The following NRIP1 variants were observed in gnomAD, a reference collection of about 807,000 sequenced individuals.
NRIP1 encodes nuclear receptor-interacting protein 1.
A neutral mutation model predicts 75.0 loss-of-function variants in NRIP1; 28 were observed. That is an observed-to-expected ratio of 0.37 (90% confidence interval 0.28 to 0.51). NRIP1 has a LOEUF of 0.51. Among genes scored for constraint, NRIP1 ranks in the 20% least tolerant of loss-of-function variants. NRIP1 has a pLI of 0.92. For synonymous variants in NRIP1, 526 were observed against 487.6 expected (o/e 1.08, Z -1.04); for missense variants, 1,435 against 1,343.7 (o/e 1.07, Z -1.06).
At chr21:15,036,168 T>C (rs747452354) in intron 2 of NRIP1, among the ~76,000 whole-genome samples, 1 of 152,162 alleles carries the variant, frequency 6.6e-6, no homozygotes, top group Non-Finnish European at 1.5e-5. Context: ...TAACCTACAC[T>C]GGAAAAAAAT....
At chr21:14,996,418 C>A (rs1037871732) in intron 3 of NRIP1, among the ~76,000 whole-genome samples, 1 of 152,154 alleles carries the variant, frequency 6.6e-6, no homozygotes, top group Admixed American at 6.5e-5. Context: ...TGAGAAAGTT[C>A]TTTCTGGCTT....
At chr21:15,019,535 C>G (rs2088321172) in intron 2 of NRIP1, among the ~76,000 whole-genome samples, 1 of 112,592 alleles carries the variant, frequency 8.9e-6, no homozygotes, top group East Asian at 3.0e-4. Context: ...GTCGCCCAAG[C>G]TGGAGTGCAA....
chr21:15,050,515 T>C, intron 1 of NRIP1: 1 of 337,236 alleles, frequency 3.0e-6, no homozygotes, highest in Non-Finnish European at 5.8e-6. Flanking sequence ...TATTTGTGTA[T>C]CTTTAAATGA....
Position 14,977,990 on chromosome 21 carries a change from A to G in NRIP1, c.-334-9464T>C, listed in dbSNP as rs188453430. ...TGGACACCAGAGACACCGGTGACGA[A>G]AACAGCTGCCCAGGCTGCTCTCCAC... On this transcript the variant is annotated intron_variant, in intron 3 of 3. Transcript: ENST00000318948. 1.4e-3 allele frequency among the ~76,000 whole-genome samples: 206 copies of G among 152,300 alleles called. 1 individual carries two copies. Among genetic ancestry groups the G allele is most frequent in the African/African-American group, 4.7e-3 (195 of 41,552 alleles).
In NRIP1 at chr21:15,031,890, G is replaced by C. The variant is rs1190171743; in HGVS notation, c.-458+11605C>G. ...CTATGTGTATACACTCTGGAAGGTG[G>C]TTGGAGGTTCACCACATTCCCTTTC... On this transcript the variant is annotated intron_variant, in intron 2 of 3. Transcript: ENST00000318948. 6.2e-5 allele frequency among the ~76,000 whole-genome samples: 9 copies of C among 145,578 alleles called. No individual in the cohort carries two copies. In the East Asian group the frequency reaches 1.9e-3, roughly 30 times the overall value.
intron 1 of NRIP1, among the ~76,000 whole-genome samples, chr21:15,047,530 ACTT>A (rs1203869211): frequency 1.3e-5 from 2 of 152,214 alleles, no homozygotes; most frequent in Admixed American, 6.5e-5. Flanking sequence ...GCAGAGCGAG[ACTT>A]CTTCTCAGAA....
At chr21:15,059,040 C>T (rs1469425115) in intron 1 of NRIP1, among the ~76,000 whole-genome samples, 1 of 152,186 alleles carries the variant, frequency 6.6e-6, no homozygotes, top group African/African-American at 2.4e-5. Context: ...AGCTCTATCA[C>T]TTAACAAGTG....
At chr21:15,046,325 T>C (rs1018609028) in intron 1 of NRIP1, among the ~76,000 whole-genome samples, 1 of 152,240 alleles carries the variant, frequency 6.6e-6, no homozygotes, top group Non-Finnish European at 1.5e-5. Flanking sequence ...ATTAACTTCC[T>C]TGTACATCTC....
Position 14,984,140 on chromosome 21 carries a change from A to C in NRIP1, c.-334-15614T>G, listed in dbSNP as rs530940611. ...CAGAGTCAACTGAAAAGCTTCTGAA[A>C]AGGATTCACCATTCTAGATGTCATT... is the stretch of plus-strand genomic sequence containing the variant. On this transcript the variant is annotated intron_variant, in intron 3 of 3. Transcript: ENST00000318948. Among the ~76,000 whole-genome samples, 14 of 152,312 alleles carry C rather than the reference A, an allele frequency of 9.2e-5. No homozygotes were observed. In the South Asian group the frequency reaches 2.9e-3, roughly 32 times the overall value.
chr21:15,062,157 G>T (rs1245337581), intron 1 of NRIP1, among the ~76,000 whole-genome samples: 5 of 152,160 alleles, frequency 3.3e-5, no homozygotes, highest in Admixed American at 6.5e-5. Flanking sequence ...CTTCCTCCAT[G>T]GACAATGTGA....
At chr21:15,050,878 TG>T in intron 1 of NRIP1, 1 of 456,080 alleles carries the variant, frequency 2.2e-6, no homozygotes, top group Non-Finnish European at 4.4e-6. Flanking sequence ...TTCCCCTGCC[TG>T]GTATCTACCA....
intron 3 of NRIP1, among the ~76,000 whole-genome samples, chr21:15,011,425 G>A (rs545844652): frequency 6.6e-6 from 1 of 152,212 alleles, no homozygotes; most frequent in African/African-American, 2.4e-5. Context: ...TCCTGACCTC[G>A]TGATCCGCCC....
chr21:14,968,093 C>A lies in NRIP1; in HGVS notation c.100G>T (p.Gly34Cys). 1 of 1,614,052 alleles carries A rather than the reference C, an allele frequency of 6.2e-7. No homozygotes were observed. The highest frequency in any genetic ancestry group is 8.5e-7 in the Non-Finnish European group (1 of 1,179,968). The change falls in exon 4 of 4, where the codon GGT (glycine) becomes TGT (cysteine). Residue 34 changes from glycine to cysteine, a missense_variant. Coordinates refer to ENST00000318948, the MANE Select transcript of NRIP1 (RefSeq NM_003489.4). ...LLMHQAAGGS[G>C]TAVDKKSAGH... ...GCAGACTTTTTGTCAACGGCAGTAC[C>A]TGATCCCCCTGCTGCCTGATGCATT...
At chr21:15,006,289 G>C (rs2087971036) in intron 3 of NRIP1, among the ~76,000 whole-genome samples, 1 of 152,140 alleles carries the variant, frequency 6.6e-6, no homozygotes, top group African/African-American at 2.4e-5. Context: ...ACCAGTGCAT[G>C]GGCCAAAAGA....
rs532672193 is a variant in NRIP1 at position 15,009,191 on chromosome 21, C to A, written c.-335+5153G>T. 1.4e-4 allele frequency among the ~76,000 whole-genome samples: 22 copies of A among 151,960 alleles called. No individual in the cohort carries two copies. The South Asian group carries it at 4.4e-3, about 30-fold the overall frequency. ...GTGCAGAATGTCCCTAAGACCAAGA[C>A]GAGGAAAGAAAAGAAAGAACTTTCT... On this transcript the variant is annotated intron_variant, in intron 3 of 3. Transcript: ENST00000318948.
intron 2 of NRIP1, among the ~76,000 whole-genome samples, chr21:15,015,211 A>G (rs112315164): frequency 3.3e-5 from 5 of 152,344 alleles, no homozygotes; most frequent in African/African-American, 1.2e-4. Context: ...AACATTCCAG[A>G]AAACGCAAAT....
chr21:14,983,123 G>C (rs1024337894), intron 3 of NRIP1, among the ~76,000 whole-genome samples: 1 of 151,230 alleles, frequency 6.6e-6, no homozygotes, highest in Non-Finnish European at 1.5e-5. Context: ...TCAAAAGCTA[G>C]AAATGATTAA....
intron 3 of NRIP1, among the ~76,000 whole-genome samples, chr21:14,979,746 C>T (rs2087177916): frequency 6.6e-6 from 1 of 152,012 alleles, no homozygotes; most frequent in Admixed American, 6.6e-5. Flanking sequence ...GAACTCCTGA[C>T]CTCGTGATCC....
intron 1 of NRIP1, among the ~76,000 whole-genome samples, chr21:15,048,981 T>C (rs1600926862): frequency 7.8e-6 from 1 of 128,746 alleles, no homozygotes; most frequent in South Asian, 2.5e-4. Context: ...CACACACACG[T>C]ATTCATTTTA....
Sources: allele counts gnomAD v4.1 joint callset (sites outside exome capture counted in the v4.1 genomes callset), GRCh38; gene constraint gnomAD v4.1.1; transcripts MANE v1.5; gene names NCBI Gene and HGNC (gene_info 2026-07-23, HGNC 2026-07-21).